Variants in FAM170B observed in about 807,000 individuals in gnomAD.
FAM170B encodes the protein family with sequence similarity 170 member B.
Under a neutral mutation model 3.9 loss-of-function variants are expected in FAM170B, and 4 were observed. That is an observed-to-expected ratio of 1.01 (90% CI 0.50 to 2.32). The LOEUF is 2.32. Ranked by LOEUF, FAM170B falls within the 30% of genes most tolerant of loss-of-function variation. The pLI, the probability that FAM170B is intolerant of heterozygous loss-of-function variation, is 0.02. For synonymous variants in FAM170B, 163 were observed against 149.8 expected (o/e 1.09, Z -0.64); for missense variants, 417 against 368.6 (o/e 1.13, Z -1.07).
chr10:49,133,169 CACCCAG>C (rs1164828327), intron 1 of FAM170B, among the ~76,000 whole-genome samples: 1 of 152,224 alleles, frequency 6.6e-6, no homozygotes, highest in East Asian at 1.9e-4. Context: ...TTGGCCAAGC[CACCCAG>C]ACCCACCATC....
In FAM170B at chr10:49,132,049, T is replaced by C. The variant is rs549105292; in HGVS notation, c.416A>G (p.His139Arg). ...FEPVTRKPRIHEAQFIKRQRW... is the reference protein window; with the variant it reads ...FEPVTRKPRIREAQFIKRQRW... The stretch of plus-strand genomic sequence containing the variant: ...CTGCCTCTTGATGAACTGGGCTTCA[T>C]GGATGCGGGGCTTCCTGGTGACCGG... The change falls in exon 2 of 2, where the codon CAT (histidine) becomes CGT (arginine). Residue 139 changes from histidine (H) to arginine (R), a missense_variant. Coordinates refer to ENST00000311787, the MANE Select transcript of FAM170B (RefSeq NM_001164484.2). 1.4e-5 allele frequency: 22 copies of C among 1,551,622 alleles called. No individual in the cohort carries two copies. Among genetic ancestry groups the C allele is most frequent in the Non-Finnish European group, 1.9e-5 (22 of 1,147,006 alleles).
chr10:49,131,947 C>T lies in FAM170B; in HGVS notation c.518G>A (p.Cys173Tyr), dbSNP rs1398829381. Residue 173 changes from cysteine to tyrosine, a missense_variant, in exon 2 of 2, where the codon TGC becomes TAC. By Grantham distance (194) the Cys-to-Tyr change is radical (BLOSUM62 -2). Transcript: ENST00000311787. ...RWDLEACKSN[C>Y]SPEPEDIDLL... ...GTCTATGTCCTCGGGCTCGGGGCTG[C>T]AGTTGCTCTTGCAGGCTTCCAGGTC... is the stretch of plus-strand genomic sequence containing the variant. The T allele has an allele frequency of 6.4e-7, 1 of 1,551,006 alleles. No individual in the cohort carries two copies. Among genetic ancestry groups the T allele is most frequent in the South Asian group, 1.2e-5 (1 of 84,060 alleles).
rs144215675 is a variant in FAM170B at position 49,133,728 on chromosome 10, T to C, written c.112+79A>G. The C allele has an allele frequency of 2.1e-3, 2,582 of 1,211,778 alleles. 35 individuals are homozygous for C. In the African/African-American group the frequency reaches 0.034, roughly 16 times the overall value. 75.1% of individuals were successfully genotyped at this position (1,211,778 alleles called of 1,614,324 possible). A position where few individuals can be genotyped will look rare whatever the true frequency, so the allele number is the denominator to read the frequency against. Reference sequence around the variant, plus strand: ...TTGGTAACAGTATCAGGAGGCAACCTGGCACTGTCCCTTCCCATCAGGGCT... The same window carrying C: ...TTGGTAACAGTATCAGGAGGCAACCCGGCACTGTCCCTTCCCATCAGGGCT... On this transcript the variant is annotated intron_variant, in intron 1 of 1. Coordinates refer to ENST00000311787, the MANE Select transcript of FAM170B (RefSeq NM_001164484.2).
Position 49,131,952 on chromosome 10 carries a change from G to T in FAM170B, c.513C>A (p.Ser171Arg). 6.4e-7 allele frequency: 1 copy of T among 1,551,230 alleles called. No homozygotes were observed. The highest frequency in any genetic ancestry group is 8.7e-7 in the Non-Finnish European group (1 of 1,146,994). The stretch of plus-strand genomic sequence containing the variant: ...TGTCCTCGGGCTCGGGGCTGCAGTT[G>T]CTCTTGCAGGCTTCCAGGTCCCAGC... ...DMRWDLEACKSNCSPEPEDID... is the reference protein window; with the variant it reads ...DMRWDLEACKRNCSPEPEDID... The change falls in exon 2 of 2, where the codon AGC becomes AGA. Residue 171 changes from serine (S) to arginine (R), a missense_variant. Transcript: ENST00000311787.
At chr10:49,132,403 A>G (rs1845200889) in intron 1 of FAM170B, 51 bp from the exon 2 acceptor site, 1 of 1,463,694 alleles carries the variant, frequency 6.8e-7, no homozygotes. Flanking sequence ...GATCAATGCC[A>G]CATCTACCTT....
At position 49,131,311 on chromosome 10, in the gene FAM170B, C is replaced by T. The variant is rs527692627; in HGVS notation, c.*302G>A. ...GCAAGTGTGGACCTGCCTGATCCACCGGCAAAAATAGAAATCCCTCTGGCC... is the reference window on the plus strand; with the variant it reads ...GCAAGTGTGGACCTGCCTGATCCACTGGCAAAAATAGAAATCCCTCTGGCC... On this transcript the variant is annotated 3_prime_UTR_variant, in exon 2 of 2. Transcript: ENST00000311787. 59 of 348,862 alleles carry T rather than the reference C, an allele frequency of 1.7e-4. 1 individual carries two copies. The highest frequency in any genetic ancestry group is 1.1e-3 in the African/African-American group (52 of 48,656). The allele number at this position is 348,862 out of a possible 1,614,324, so 21.6% of individuals were successfully genotyped here.
rs1845217205 is a variant in FAM170B at position 49,133,849 on chromosome 10, T to G, written c.70A>C (p.Ser24Arg). The change falls in exon 1 of 2, where the codon AGC becomes CGC. Residue 24 changes from serine to arginine, a missense_variant. Physicochemically the swap from Ser to Arg is moderately radical, Grantham distance 110 (BLOSUM62 -1). Coordinates refer to ENST00000311787, the MANE Select transcript of FAM170B (RefSeq NM_001164484.2). Reference sequence around the variant, plus strand: ...ACACTCTCCTCAGTGGACTCAGGGCTGGTCAAGCTGAGGGTGGTCCCATCG... The same window carrying G: ...ACACTCTCCTCAGTGGACTCAGGGCGGGTCAAGCTGAGGGTGGTCCCATCG... ...PTDGTTLSLT[S>R]PESTEESVEV... The G allele has an allele frequency of 6.4e-7, 1 of 1,551,612 alleles. No homozygotes were observed.
In FAM170B at chr10:49,131,563, C is replaced by A; in HGVS notation, c.*50G>T. On this transcript the variant is annotated 3_prime_UTR_variant, in exon 2 of 2. Transcript: ENST00000311787. ...CTGATACTGCTGGCTGGGGAAGGAG[C>A]AGTCCCAGGCCCTGGAGGTGAGGGC... 1 of 1,494,144 alleles carries A rather than the reference C, an allele frequency of 6.7e-7. No homozygotes were observed. The highest frequency in any genetic ancestry group is 2.5e-5 in the East Asian group (1 of 40,440). 92.6% of individuals were successfully genotyped at this position (1,494,144 alleles called of 1,614,324 possible). A position where few individuals can be genotyped will look rare whatever the true frequency, so the allele number is the denominator to read the frequency against.
In FAM170B at chr10:49,132,222, C is replaced by T; in HGVS notation, c.243G>A (p.Glu81=). The change falls in exon 2 of 2, where the codon GAG becomes GAA. Residue 81 remains glutamate (E), a synonymous_variant. Transcript: ENST00000311787. The stretch of plus-strand genomic sequence containing the variant: ...ACTGGTACTGGGAGTAGGACTGGTA[C>T]TCGGAGGACTCTGAGGATGGGGAGC... The part of the protein sequence containing the change: ...WSSSPSSESS[E]YQSYSQYQSC... 5 of 1,551,716 alleles carry T rather than the reference C, an allele frequency of 3.2e-6. No individual in the cohort carries two copies. Among genetic ancestry groups the T allele is most frequent in the Non-Finnish European group, 4.4e-6 (5 of 1,147,016 alleles).
chr10:49,133,107 A>G (rs553215839), intron 1 of FAM170B, among the ~76,000 whole-genome samples: 1 of 152,324 alleles, frequency 6.6e-6, no homozygotes, highest in Non-Finnish European at 1.5e-5. Flanking sequence ...GTCTGTGTGC[A>G]TAAAAGACAC....
At position 49,132,132 on chromosome 10, in the gene FAM170B, C is replaced by T. The variant is rs572743352; in HGVS notation, c.333G>A (p.Thr111=). ...AAPQSVCAFY[T]HVQTVRGVAV... ...CCACACCCCGCACAGTCTGCACGTG[C>T]GTGTAGAAGGCACACACACTCTGCG... Residue 111 remains threonine (T), a synonymous_variant, in exon 2 of 2, where the codon ACG becomes ACA. Coordinates refer to ENST00000311787, the MANE Select transcript of FAM170B (RefSeq NM_001164484.2). 5 of 1,551,622 alleles carry T rather than the reference C, an allele frequency of 3.2e-6. No homozygotes were observed. The highest frequency in any genetic ancestry group is 4.4e-6 in the Non-Finnish European group (5 of 1,146,984).
In FAM170B at chr10:49,131,215, T is replaced by G; in HGVS notation, c.*398A>C. On this transcript the variant is annotated 3_prime_UTR_variant, in exon 2 of 2. Transcript: ENST00000311787. ...ACATAGAACTAGGGCATATGACAGA[T>G]TTGTAATAGTGAAAAAAATAGGGCT... 2 of 183,174 alleles carry G rather than the reference T, an allele frequency of 1.1e-5. No individual in the cohort carries two copies. Among genetic ancestry groups the G allele is most frequent in the East Asian group, 1.4e-4 (1 of 7,090 alleles). 11.3% of individuals were successfully genotyped at this position (183,174 alleles called of 1,614,324 possible).
At chr10:49,133,029 CTG>C (rs1845207933) in intron 1 of FAM170B, among the ~76,000 whole-genome samples, 2 of 152,162 alleles carry the variant, frequency 1.3e-5, no homozygotes, top group Admixed American at 1.3e-4. Context: ...TTTATCATGA[CTG>C]TGTTGGTGGT....
In FAM170B at chr10:49,132,054, G is replaced by C; in HGVS notation, c.411C>G (p.Arg137=). The C allele has an allele frequency of 6.4e-7, 1 of 1,551,774 alleles. No individual in the cohort carries two copies. The highest frequency in any genetic ancestry group is 8.7e-7 in the Non-Finnish European group (1 of 1,147,004). The part of the protein sequence containing the change: ...AGFEPVTRKP[R]IHEAQFIKRQ... ...TCTTGATGAACTGGGCTTCATGGAT[G>C]CGGGGCTTCCTGGTGACCGGCTCGA... The change falls in exon 2 of 2, where the codon CGC becomes CGG. Residue 137 remains arginine (R), a synonymous_variant. Coordinates refer to ENST00000311787, the MANE Select transcript of FAM170B (RefSeq NM_001164484.2).
In FAM170B at chr10:49,131,456, C is replaced by G. The variant is rs1257867007; in HGVS notation, c.*157G>C. On this transcript the variant is annotated 3_prime_UTR_variant, in exon 2 of 2. Coordinates refer to ENST00000311787, the MANE Select transcript of FAM170B (RefSeq NM_001164484.2). ...GCCTAGGGCAGGAAGGGGGTTCCTTCCAGTCTCCTGGCCCTCCTTGCTCTA... is the reference window on the plus strand; with the variant it reads ...GCCTAGGGCAGGAAGGGGGTTCCTTGCAGTCTCCTGGCCCTCCTTGCTCTA... 1.8e-6 allele frequency: 2 copies of G among 1,097,442 alleles called. No homozygotes were observed. The highest frequency in any genetic ancestry group is 2.5e-6 in the Non-Finnish European group (2 of 802,372). The allele number at this position is 1,097,442 out of a possible 1,614,324, so 68.0% of individuals were successfully genotyped here.
rs75297145 is a variant in FAM170B, at chr10:49,131,917, A to C, written c.548T>G (p.Leu183Arg). 11 of 1,548,604 alleles carry C rather than the reference A, an allele frequency of 7.1e-6. No homozygotes were observed. The East Asian group carries it at 2.4e-4, about 34-fold the overall frequency. The change falls in exon 2 of 2, where the codon CTG becomes CGG. Residue 183 changes from leucine (L) to arginine (R), a missense_variant. Physicochemically the swap from Leu to Arg is moderately radical, Grantham distance 102. Coordinates refer to ENST00000311787, the MANE Select transcript of FAM170B (RefSeq NM_001164484.2). ...CCGCAGCTCCTGCAGGCAGCACTCC[A>C]GCAGGTCTATGTCCTCGGGCTCGGG... ...CSPEPEDIDL[L>R]ECCLQELREP...
In FAM170B at chr10:49,132,323, G is replaced by A. The variant is rs371580298; in HGVS notation, c.142C>T (p.Arg48Trp). The change falls in exon 2 of 2, where the codon CGG (arginine) becomes TGG (tryptophan). Residue 48 changes from arginine to tryptophan, a missense_variant. Physicochemically the swap from Arg to Trp is moderately radical, Grantham distance 101. Coordinates refer to ENST00000311787, the MANE Select transcript of FAM170B (RefSeq NM_001164484.2). ...TCCCGGGGAATGGCAGGCCCCGGCC[G>A]TGGGGACGACCCTTCTCTCTGTATA... Reference protein sequence around the residue: ...GTIQREGSSPRPGPAIPREEG... With the variant: ...GTIQREGSSPWPGPAIPREEG... 7 of 1,549,002 alleles carry A rather than the reference G, an allele frequency of 4.5e-6. No homozygotes were observed. The highest frequency in any genetic ancestry group is 6.1e-6 in the Non-Finnish European group (7 of 1,146,360).
At chr10:49,133,469 T>C (rs1845212077) in intron 1 of FAM170B, among the ~76,000 whole-genome samples, 1 of 152,146 alleles carries the variant, frequency 6.6e-6, no homozygotes, top group African/African-American at 2.4e-5. Flanking sequence ...TAGATTAACT[T>C]TCATCATTTT....
At position 49,134,009 on chromosome 10, in the gene FAM170B, C is replaced by T; in HGVS notation, c.-91G>A. The T allele has an allele frequency of 1.0e-6, 1 of 967,204 alleles. No individual in the cohort carries two copies. Among genetic ancestry groups the T allele is most frequent in the Non-Finnish European group, 1.6e-6 (1 of 618,562 alleles). The allele number at this position is 967,204 out of a possible 1,614,324, so 59.9% of individuals were successfully genotyped here. On this transcript the variant is annotated 5_prime_UTR_variant, in exon 1 of 2. Coordinates refer to ENST00000311787, the MANE Select transcript of FAM170B (RefSeq NM_001164484.2). ...CTGAAGGCCTCCAGCTGGCCCCAGC[C>T]AGAGTGGACACTGAGCTCCCCATGG...
Sources: allele counts gnomAD v4.1 joint callset (sites outside exome capture counted in the v4.1 genomes callset), GRCh38; gene constraint gnomAD v4.1.1; transcripts MANE v1.5; gene names NCBI Gene and HGNC (gene_info 2026-07-23, HGNC 2026-07-21).